The following MOB3B variants were observed in gnomAD, a reference collection of about 807,000 sequenced individuals.
MOB3B encodes MOB kinase activator-like 2B.
Under a neutral mutation model 18.7 loss-of-function variants are expected in MOB3B, and 7 were observed. That is an observed-to-expected ratio of 0.37 (90% confidence interval 0.21 to 0.70). The LOEUF is 0.70. Ranked by LOEUF, MOB3B falls within the 30% of genes least tolerant of loss-of-function variation. The pLI, the probability that MOB3B is intolerant of heterozygous loss-of-function variation, is 0.52. For missense variants in MOB3B, 253 were observed against 281.3 expected (o/e 0.90, Z 0.72); for synonymous variants, 111 against 99.9 (o/e 1.11, Z -0.66).
chr9:27,373,774 C>CA (rs201092230), intron 2 of MOB3B, among the ~76,000 whole-genome samples: 63 of 151,978 alleles, frequency 4.1e-4, no homozygotes, highest in Admixed American at 2.6e-3. Context: ...ATCCTTATCC[C>CA]AAAAAAAACC....
intron 2 of MOB3B, among the ~76,000 whole-genome samples, chr9:27,376,423 A>G (rs1821490424): frequency 6.6e-6 from 1 of 152,242 alleles, no homozygotes; most frequent in Non-Finnish European, 1.5e-5. Context: ...TTTGTCTTGC[A>G]GTGTTGGTAC....
At chr9:27,491,279 C>T (rs566505879) in intron 1 of MOB3B, among the ~76,000 whole-genome samples, 1 of 151,962 alleles carries the variant, frequency 6.6e-6, no homozygotes, top group South Asian at 2.1e-4. Flanking sequence ...CCACATAAGC[C>T]AGAAGGTTAG....
intron 1 of MOB3B, among the ~76,000 whole-genome samples, chr9:27,475,395 C>T (rs1819539001): frequency 6.6e-6 from 1 of 152,216 alleles, no homozygotes; most frequent in Admixed American, 6.5e-5. Context: ...GTTTTTAAAC[C>T]ACTGCATTGG....
chr9:27,508,984 C>A (rs2131499728), intron 1 of MOB3B, among the ~76,000 whole-genome samples: 1 of 152,252 alleles, frequency 6.6e-6, no homozygotes, highest in East Asian at 1.9e-4. Flanking sequence ...ATGGGCAGAG[C>A]AAGACTGAGT....
At chr9:27,517,647 CAAAA>C (rs756559270) in intron 1 of MOB3B, among the ~76,000 whole-genome samples, 2 of 54,266 alleles carry the variant, frequency 3.7e-5, no homozygotes, top group East Asian at 1.4e-3. Context: ...GACTCTGTCT[CAAAA>C]AAAAAAAAAA....
intron 2 of MOB3B, among the ~76,000 whole-genome samples, chr9:27,420,429 G>A (rs1486722190): frequency 6.6e-6 from 1 of 150,380 alleles, no homozygotes; most frequent in Non-Finnish European, 1.5e-5. Flanking sequence ...TCAACGAGTG[G>A]ATAAAGAAAC....
rs765962911 is a variant in MOB3B, at chr9:27,382,659, G to A, written c.419-23423C>T. Among the ~76,000 whole-genome samples the A allele has an allele frequency of 5.3e-5, 8 of 151,986 alleles. 1 individual carries two copies. Among genetic ancestry groups the A allele is most frequent in the Admixed American group, 2.6e-4 (4 of 15,262 alleles). On this transcript the variant is annotated intron_variant, in intron 2 of 3. Transcript: ENST00000262244. The stretch of plus-strand genomic sequence containing the variant: ...CCCTCCCAAGGCATAATAAAAACCC[G>A]ATAAATGTGAACTTGCAGTAAGATA...
chr9:27,455,175 C>G lies in MOB3B; in HGVS notation c.376G>C (p.Glu126Gln). 1 of 1,614,142 alleles carries G rather than the reference C, an allele frequency of 6.2e-7. No homozygotes were observed. Residue 126 changes from glutamate to glutamine, a missense_variant, in exon 2 of 4, where the codon GAG becomes CAG. By Grantham distance (29) the Glu-to-Gln change is conservative. Transcript: ENST00000262244. ...QYMNLLMDWI[E>Q]VQINNEEIFP... ...ATTTCCTCGTTGTTGATCTGAACCT[C>G]AATCCAATCCATAAGAAGGTTCATG...
intron 1 of MOB3B, among the ~76,000 whole-genome samples, chr9:27,491,588 T>C (rs1053335274): frequency 3.9e-5 from 6 of 152,138 alleles, no homozygotes; most frequent in Non-Finnish European, 8.8e-5. Flanking sequence ...AAAATCAATA[T>C]AGGTGGTTGG....
chr9:27,477,383 A>T (rs1819570208), intron 1 of MOB3B, among the ~76,000 whole-genome samples: 1 of 152,184 alleles, frequency 6.6e-6, no homozygotes, highest in African/African-American at 2.4e-5. Context: ...CTAATAAAGC[A>T]CATGACCCAA....
intron 1 of MOB3B, among the ~76,000 whole-genome samples, chr9:27,510,313 T>A (rs147918359): frequency 6.6e-6 from 1 of 152,254 alleles, no homozygotes; most frequent in Non-Finnish European, 1.5e-5. Context: ...TTGCTGCTTA[T>A]ATTACCTAAC....
chr9:27,422,018 G>A (rs545788263), intron 2 of MOB3B, among the ~76,000 whole-genome samples: 1 of 152,298 alleles, frequency 6.6e-6, no homozygotes, highest in East Asian at 1.9e-4. Flanking sequence ...GTTCTCTGCT[G>A]TGTCCTCAGT....
intron 3 of MOB3B, among the ~76,000 whole-genome samples, chr9:27,347,312 C>A (rs1821041933): frequency 6.6e-6 from 1 of 152,194 alleles, no homozygotes; most frequent in African/African-American, 2.4e-5. Context: ...CTTGGCTATG[C>A]CTTTTTATTT....
At chr9:27,521,559 C>T (rs1243617678) in intron 1 of MOB3B, among the ~76,000 whole-genome samples, 1 of 152,062 alleles carries the variant, frequency 6.6e-6, no homozygotes, top group Non-Finnish European at 1.5e-5. Flanking sequence ...TTAAGGAGGC[C>T]AAGGCATCGT....
chr9:27,350,401 C>A (rs1339962147), intron 3 of MOB3B, among the ~76,000 whole-genome samples: 1 of 152,082 alleles, frequency 6.6e-6, no homozygotes, highest in Non-Finnish European at 1.5e-5. Context: ...AGCAATTTTC[C>A]CATGAGAGAC....
At chr9:27,405,273 A>G (rs563296557) in intron 2 of MOB3B, among the ~76,000 whole-genome samples, 7 of 151,602 alleles carry the variant, frequency 4.6e-5, no homozygotes, top group South Asian at 2.1e-4. Flanking sequence ...ATGCCCGGTT[A>G]GTTTTTGTAT....
intron 3 of MOB3B, among the ~76,000 whole-genome samples, chr9:27,351,979 A>G (rs1821111266): frequency 6.6e-6 from 1 of 152,232 alleles, no homozygotes; most frequent in African/African-American, 2.4e-5. Flanking sequence ...GCCAAGAGGC[A>G]CCTACACACT....
intron 2 of MOB3B, among the ~76,000 whole-genome samples, chr9:27,452,156 T>C (rs1401111803): frequency 6.6e-6 from 1 of 152,232 alleles, no homozygotes; most frequent in East Asian, 1.9e-4. Context: ...ATCCATGTGC[T>C]GGGCCTTTAT....
intron 2 of MOB3B, among the ~76,000 whole-genome samples, chr9:27,431,332 C>G (rs565291455): frequency 1.3e-5 from 2 of 152,162 alleles, no homozygotes; most frequent in Non-Finnish European, 2.9e-5. Flanking sequence ...TCCTTCCAAA[C>G]AGGCCTAGTG....
Sources: allele counts gnomAD v4.1 joint callset (sites outside exome capture counted in the v4.1 genomes callset), GRCh38; gene constraint gnomAD v4.1.1; transcripts MANE v1.5; gene names NCBI Gene and HGNC (gene_info 2026-07-23, HGNC 2026-07-21).